CEP112: variants seen among roughly 807,000 people sequenced by gnomAD.
The protein encoded by CEP112 is centrosomal protein 112, also known as centrosomal protein of 112 kDa.
In CEP112, 127 loss-of-function variants were observed where a neutral mutation model predicts 153.0. The ratio of observed to expected loss-of-function variants is 0.83; its 90% confidence interval spans 0.72 to 0.96. The LOEUF (loss-of-function observed/expected upper bound fraction) is 0.96. Ranked by LOEUF, CEP112 falls within the 40% of genes least tolerant of loss-of-function variation. The pLI is 0.00. For missense variants in CEP112, 1,089 were observed against 1,101.2 expected, an observed-to-expected ratio of 0.99 and a Z score of 0.16; for synonymous variants, 358 against 374.4, an observed-to-expected ratio of 0.96 and a Z score of 0.51.
chr17:66,123,542 C>A (rs1033262682), intron 6 of CEP112, among the ~76,000 whole-genome samples: 6 of 152,192 alleles, frequency 3.9e-5, no homozygotes, highest in African/African-American at 1.2e-4. Context: ...TTGCTCTATG[C>A]CTTTAGGACA....
chr17:65,760,399 T>C (rs2052542211), intron 21 of CEP112, among the ~76,000 whole-genome samples: 1 of 152,168 alleles, frequency 6.6e-6, no homozygotes. Flanking sequence ...TGTAGGTTTT[T>C]TGTAGATGTT....
At chr17:65,656,670 T>C (rs1430303545) in intron 24 of CEP112, among the ~76,000 whole-genome samples, 1 of 152,178 alleles carries the variant, frequency 6.6e-6, no homozygotes. Flanking sequence ...CCCTGAAACA[T>C]TTGTTATCTG....
chr17:65,850,615 T>A (rs2057895106), intron 21 of CEP112, among the ~76,000 whole-genome samples: 1 of 152,208 alleles, frequency 6.6e-6, no homozygotes, highest in Non-Finnish European at 1.5e-5. Context: ...GCACAGCAGA[T>A]GATGACATCC....
chr17:66,171,374 G>A (rs1441400805), intron 4 of CEP112, among the ~76,000 whole-genome samples: 1 of 152,172 alleles, frequency 6.6e-6, no homozygotes. Context: ...TAAAATTTAT[G>A]AGGCAGCATT....
intron 17 of CEP112, among the ~76,000 whole-genome samples, chr17:65,988,338 ATAAC>A (rs1180534359): frequency 1.3e-5 from 2 of 152,246 alleles, no homozygotes; most frequent in African/African-American, 4.8e-5. Flanking sequence ...AACTGAATAA[ATAAC>A]TAATCCTTCA....
chr17:65,872,958 G>C (rs1040457267), intron 20 of CEP112: 1 of 152,066 alleles, frequency 6.6e-6, no homozygotes, highest in African/African-American at 2.4e-5. Context: ...TGTACTTACC[G>C]AGAGTACAGA....
intron 21 of CEP112, among the ~76,000 whole-genome samples, chr17:65,842,398 G>A (rs1182191862): frequency 1.3e-5 from 2 of 152,060 alleles, no homozygotes; most frequent in Admixed American, 1.3e-4. Context: ...TGCTCTCCTG[G>A]ATTGCCAGAA....
chr17:65,965,482 AT>A (rs1298526213), intron 17 of CEP112, among the ~76,000 whole-genome samples: 2 of 150,740 alleles, frequency 1.3e-5, no homozygotes, highest in Non-Finnish European at 2.9e-5. Context: ...TAATGAATAC[AT>A]TGAGCTCCAC....
chr17:65,877,249 AG>A (rs1179762443), intron 20 of CEP112, among the ~76,000 whole-genome samples: 1 of 152,248 alleles, frequency 6.6e-6, no homozygotes, highest in Admixed American at 6.5e-5. Context: ...CAGGAAGTAC[AG>A]GAAGAGGCAG....
chr17:65,753,664 A>AT (rs922139070), intron 21 of CEP112, among the ~76,000 whole-genome samples: 29 of 150,884 alleles, frequency 1.9e-4, no homozygotes, highest in Admixed American at 2.6e-4. Flanking sequence ...TTCTGTCACT[A>AT]TTTTTTTTTG....
rs929612230 is a variant in CEP112, at chr17:65,961,487, T to G, written c.1848A>C (p.Lys616Asn). ...FKRQVELNSEKVYAEMKEQME... is the reference protein window; with the variant it reads ...FKRQVELNSENVYAEMKEQME... ...CCTGCTCTTTCATTTCAGCATAGACTTTCTCTGAGTTCAGTTCCACCTGCC... is the reference window on the plus strand; with the variant it reads ...CCTGCTCTTTCATTTCAGCATAGACGTTCTCTGAGTTCAGTTCCACCTGCC... The change falls in exon 18 of 27, where the codon AAA becomes AAC. Residue 616 changes from lysine (K) to asparagine (N), a missense_variant. Coordinates refer to ENST00000535342, the MANE Select transcript of CEP112 (RefSeq NM_001199165.4). 4 of 1,610,918 alleles carry G rather than the reference T, an allele frequency of 2.5e-6. No individual in the cohort carries two copies. The African/African-American group carries it at 5.3e-5, about 22-fold the overall frequency.
intron 23 of CEP112, among the ~76,000 whole-genome samples, chr17:65,733,921 G>A (rs1451791835): frequency 6.6e-6 from 1 of 152,162 alleles, no homozygotes; most frequent in East Asian, 1.9e-4. Flanking sequence ...AATTCTTTTT[G>A]AAAGTCTGCA....
At chr17:66,023,236 A>G (rs1411913153) in intron 16 of CEP112, among the ~76,000 whole-genome samples, 11 of 152,208 alleles carry the variant, frequency 7.2e-5, no homozygotes, top group Non-Finnish European at 1.3e-4. Context: ...AAGATATTGC[A>G]AGATGCAGTT....
intron 11 of CEP112, among the ~76,000 whole-genome samples, chr17:66,057,799 C>G (rs989093032): frequency 8.3e-5 from 12 of 144,544 alleles, no homozygotes; most frequent in African/African-American, 3.2e-4. Context: ...ACACACACAG[C>G]CTTCAGTGAG....
intron 18 of CEP112, among the ~76,000 whole-genome samples, chr17:65,948,861 T>C (rs2061729678): frequency 6.6e-6 from 1 of 152,164 alleles, no homozygotes; most frequent in Non-Finnish European, 1.5e-5. Context: ...AACTCAAAGC[T>C]TTTATTTTTT....
rs185293116 is a variant in CEP112, at chr17:65,677,383, C to T, written c.2697+11746G>A. ...GATGCCAATTACATTATATTCTTTA[C>T]TAATTCTTAGTTTTTCATTTAATTC... On this transcript the variant is annotated intron_variant, in intron 24 of 26. Coordinates refer to ENST00000535342, the MANE Select transcript of CEP112 (RefSeq NM_001199165.4). Among the ~76,000 whole-genome samples the T allele has an allele frequency of 2.2e-4, 34 of 152,240 alleles. No homozygotes were observed. In the South Asian group the frequency reaches 2.7e-3, roughly 12 times the overall value.
chr17:66,041,487 T>A (rs1440866660), intron 12 of CEP112, among the ~76,000 whole-genome samples: 1 of 152,182 alleles, frequency 6.6e-6, no homozygotes, highest in East Asian at 1.9e-4. Context: ...TGACATTAAA[T>A]AAGGACTTAC....
rs1156897591 is a variant in CEP112 at position 65,951,750 on chromosome 17, C to CCCCCCGA, written c.1872+9712_1872+9713insTCGGGGG. Among the ~76,000 whole-genome samples the CCCCCCGA allele has an allele frequency of 3.1e-5, 2 of 64,970 alleles. 1 individual carries two copies. The highest frequency in any genetic ancestry group is 8.7e-5 in the African/African-American group (2 of 22,974). The allele number at this position is 64,970 out of a possible 152,430, so 42.6% of individuals were successfully genotyped here. ...CTGCTCTAATCTTCCCCCGCCCCCC[C>CCCCCCGA]CTTTCTTCCACTTGCTTAGAAGCTT... On this transcript the variant is annotated intron_variant, in intron 18 of 26. Transcript: ENST00000535342.
chr17:65,894,326 C>T (rs990161080), intron 20 of CEP112, among the ~76,000 whole-genome samples: 5 of 152,042 alleles, frequency 3.3e-5, no homozygotes, highest in Non-Finnish European at 5.9e-5. Flanking sequence ...ATGAAGCTAA[C>T]ACTGCATCAA....
Sources: gnomAD v4.1 joint callset for allele counts (sites outside exome capture counted in the v4.1 genomes callset) on GRCh38, gnomAD v4.1.1 for gene constraint, MANE v1.5 for transcripts, NCBI Gene and HGNC (gene_info 2026-07-23, HGNC 2026-07-21) for gene names.